Variants in FGF7 observed in about 807,000 individuals in gnomAD.
FGF7 encodes the protein fibroblast growth factor 7.
FGF7 carries 6 observed loss-of-function variants against 20.5 expected under a neutral mutation model. That is an observed-to-expected ratio of 0.29 (90% confidence interval 0.16 to 0.58). The LOEUF (loss-of-function observed/expected upper bound fraction) is 0.58, where lower values mean the gene tolerates loss of function less well. Ranked by LOEUF, FGF7 falls within the 20% of genes least tolerant of loss-of-function variation. FGF7 has a pLI of 0.90. For synonymous variants in FGF7, 64 were observed against 74.7 expected (o/e 0.86, Z 0.74); for missense variants, 144 against 228.8 (o/e 0.63, Z 2.39).
chr15:49,456,195 C>A (rs1203023260), intron 2 of FGF7, among the ~76,000 whole-genome samples: 1 of 151,794 alleles, frequency 6.6e-6, no homozygotes, highest in Non-Finnish European at 1.5e-5. Context: ...AGAATTAATT[C>A]TTTAGAATTT....
intron 2 of FGF7, among the ~76,000 whole-genome samples, chr15:49,471,855 G>GT (rs1303473652): frequency 6.6e-6 from 1 of 152,074 alleles, no homozygotes; most frequent in Non-Finnish European, 1.5e-5. Context: ...CAGAAAAGAC[G>GT]TATCAAGCTA....
intron 2 of FGF7, among the ~76,000 whole-genome samples, chr15:49,436,551 G>C (rs1055393822): frequency 6.6e-6 from 1 of 151,546 alleles, no homozygotes; most frequent in Non-Finnish European, 1.5e-5. Flanking sequence ...TTAAATGTGT[G>C]AGTGGTTTCT....
chr15:49,437,728 G>A (rs4316697), intron 2 of FGF7, among the ~76,000 whole-genome samples: 47,109 of 151,386 alleles, frequency 0.31, 7,742 homozygotes, highest in East Asian at 0.51. Flanking sequence ...CATATATTAC[G>A]TATTATGTAC....
At chr15:49,455,148 G>A (rs17400706) in intron 2 of FGF7, among the ~76,000 whole-genome samples, 26,637 of 152,074 alleles carry the variant, frequency 0.18, 2,602 homozygotes, top group Non-Finnish European at 0.22. Context: ...GTTAATTGGC[G>A]TCTCAGGTGA....
chr15:49,438,469 G>T (rs2051311972), intron 2 of FGF7, among the ~76,000 whole-genome samples: 1 of 151,798 alleles, frequency 6.6e-6, no homozygotes, highest in East Asian at 1.9e-4. Flanking sequence ...TTGCAGAAGA[G>T]AAAAGGGAGA....
rs1306850726 is a variant in FGF7, at chr15:49,487,333, A to C, written c.*2829A>C. 2 of 152,022 alleles carry C rather than the reference A, an allele frequency of 1.3e-5. No individual in the cohort carries two copies. Among genetic ancestry groups the C allele is most frequent in the African/African-American group, 4.8e-5 (2 of 41,456 alleles). 9.4% of individuals were successfully genotyped at this position (152,022 alleles called of 1,614,324 possible). ...TGAGTTTCTAACAATTAGAAAAGAA[A>C]AAATTAAAACATGAAATGATAACAA... On this transcript the variant is annotated 3_prime_UTR_variant, in exon 4 of 4. Transcript: ENST00000267843.
At chr15:49,424,627 A>C in intron 2 of FGF7, 44 bp downstream of exon 2, 1 of 1,412,678 alleles carries the variant, frequency 7.1e-7, no homozygotes. Context: ...GCAATCTGTT[A>C]ATGGATCAAT....
chr15:49,442,950 T>C (rs2051811708), intron 2 of FGF7, among the ~76,000 whole-genome samples: 1 of 151,788 alleles, frequency 6.6e-6, no homozygotes, highest in African/African-American at 2.4e-5. Flanking sequence ...TTGGAAATCA[T>C]GTGAAGGCAG....
intron 2 of FGF7, among the ~76,000 whole-genome samples, chr15:49,470,714 A>T (rs1415178283): frequency 1.3e-5 from 2 of 152,230 alleles, no homozygotes; most frequent in Non-Finnish European, 2.9e-5. Flanking sequence ...AATAATTTGG[A>T]TCATTGCTGT....
chr15:49,450,364 C>G (rs900466934), intron 2 of FGF7, among the ~76,000 whole-genome samples: 12 of 151,980 alleles, frequency 7.9e-5, no homozygotes, highest in African/African-American at 2.9e-4. Context: ...ATTTCTCTGG[C>G]CTATGTCACT....
At chr15:49,482,673 T>C (rs2056058181) in intron 2 of FGF7, among the ~76,000 whole-genome samples, 1 of 152,086 alleles carries the variant, frequency 6.6e-6, no homozygotes, top group Non-Finnish European at 1.5e-5. Context: ...TTATCAGGTA[T>C]AAGAATTTGG....
chr15:49,475,101 C>T (rs1051084914), intron 2 of FGF7, among the ~76,000 whole-genome samples: 4 of 152,050 alleles, frequency 2.6e-5, no homozygotes, highest in African/African-American at 4.8e-5. Flanking sequence ...ATTGGTTACA[C>T]AAAAATTGAT....
chr15:49,455,752 A>G (rs796579687), intron 2 of FGF7, among the ~76,000 whole-genome samples: 8 of 152,326 alleles, frequency 5.3e-5, no homozygotes, highest in African/African-American at 1.9e-4. Context: ...GGAGAAAACA[A>G]AACGTGCTCC....
At chr15:49,474,193 A>G (rs2055038596) in intron 2 of FGF7, among the ~76,000 whole-genome samples, 1 of 152,198 alleles carries the variant, frequency 6.6e-6, no homozygotes. Context: ...GTCTTAGGCT[A>G]TCTATATCAG....
At chr15:49,455,470 G>A (rs1399628894) in intron 2 of FGF7, among the ~76,000 whole-genome samples, 1 of 152,080 alleles carries the variant, frequency 6.6e-6, no homozygotes. Context: ...GTAAGGCAAT[G>A]TTAAAAATAA....
chr15:49,439,049 T>C (rs1255550044), intron 2 of FGF7, among the ~76,000 whole-genome samples: 1 of 151,754 alleles, frequency 6.6e-6, no homozygotes, highest in Non-Finnish European at 1.5e-5. Flanking sequence ...TTAGGGACTC[T>C]TACGAGGTTG....
intron 2 of FGF7, among the ~76,000 whole-genome samples, chr15:49,459,810 T>C (rs1411140509): frequency 1.3e-5 from 2 of 152,160 alleles, no homozygotes; most frequent in Admixed American, 1.3e-4. Flanking sequence ...TGTGCATCTC[T>C]TTCCAACTCC....
At chr15:49,474,935 C>G (rs1025351978) in intron 2 of FGF7, among the ~76,000 whole-genome samples, 5 of 151,922 alleles carry the variant, frequency 3.3e-5, no homozygotes, top group African/African-American at 1.2e-4. Context: ...CACACCATAC[C>G]CCAGAATTAA....
In FGF7 at chr15:49,469,493, T is replaced by C. The variant is rs113130137; in HGVS notation, c.287-13658T>C. Among the ~76,000 whole-genome samples, 715 of 152,218 alleles carry C rather than the reference T, an allele frequency of 4.7e-3. 8 individuals carry two copies. Among genetic ancestry groups the C allele is most frequent in the African/African-American group, 0.016 (678 of 41,564 alleles). On this transcript the variant is annotated intron_variant, in intron 2 of 3. Transcript: ENST00000267843. ...AATCACTTGGCTTTTCATGGCACAA[T>C]TTTTACTCCCTTTCTTAGAGTCAGA...
Sources: allele counts gnomAD v4.1 joint callset (sites outside exome capture counted in the v4.1 genomes callset), GRCh38; gene constraint gnomAD v4.1.1; transcripts MANE v1.5; gene names NCBI Gene and HGNC (gene_info 2026-07-23, HGNC 2026-07-21).